MYBL2: variants seen among roughly 807,000 people sequenced by gnomAD.
The protein encoded by MYBL2 is MYB proto-oncogene like 2, also known as myb-related protein B.
A neutral mutation model predicts 79.9 loss-of-function variants in MYBL2; 28 were observed. The ratio of observed to expected loss-of-function variants is 0.35; its 90% confidence interval spans 0.26 to 0.48. The LOEUF (loss-of-function observed/expected upper bound fraction) is 0.48, where lower values mean the gene tolerates loss of function less well. Ranked by LOEUF, MYBL2 falls within the 20% of genes least tolerant of loss-of-function variation. MYBL2 has a pLI of 0.99. For synonymous variants in MYBL2, 378 were observed against 361.2 expected (o/e 1.05, Z -0.53); for missense variants, 735 against 893.9 (o/e 0.82, Z 2.27).
At chr20:43,682,180 GA>G (rs1196543419) in intron 3 of MYBL2, among the ~76,000 whole-genome samples, 2 of 152,152 alleles carry the variant, frequency 1.3e-5, no homozygotes, top group Non-Finnish European at 2.9e-5. Context: ...CAGTGAGACT[GA>G]AACTGAGGGG....
At chr20:43,688,800 T>C (rs285189) in intron 5 of MYBL2, among the ~76,000 whole-genome samples, 141,566 of 151,992 alleles carry the variant, frequency 0.93, 66,081 homozygotes, top group African/African-American at 0.97. Flanking sequence ...AATATTATAT[T>C]TTTTTTAAGA....
At chr20:43,709,378 G>A (rs542318944) in intron 9 of MYBL2, among the ~76,000 whole-genome samples, 22 of 152,330 alleles carry the variant, frequency 1.4e-4, no homozygotes, top group Admixed American at 1.1e-3. Flanking sequence ...CTGCTCTAGG[G>A]CAGGTGGAAA....
At position 43,715,254 on chromosome 20, in the gene MYBL2, C is replaced by T. The variant is rs762939979; in HGVS notation, c.1945C>T (p.Pro649Ser). The T allele has an allele frequency of 5.0e-6, 8 of 1,614,094 alleles. No individual in the cohort carries two copies. The highest frequency in any genetic ancestry group is 5.9e-6 in the Non-Finnish European group (7 of 1,180,040). ...KPEKAAVAQK[P>S]RSHFTTPAPM... Reference sequence around the variant, plus strand: ...CGAGAAGGCAGCAGTGGCCCAGAAGCCCCGAAGCCACTTCACGACACCTGC... The same window carrying T: ...CGAGAAGGCAGCAGTGGCCCAGAAGTCCCGAAGCCACTTCACGACACCTGC... The change falls in exon 13 of 14, where the codon CCC becomes TCC. Residue 649 changes from proline to serine, a missense_variant. Pro to Ser is a moderately conservative substitution (Grantham distance 74). This residue lies in a region of MYBL2 where 204 missense variants were observed against 202.9 expected (regional missense o/e 1.01). Coordinates refer to ENST00000217026, the MANE Select transcript of MYBL2 (RefSeq NM_002466.4).
At chr20:43,682,523 A>G (rs573780985) in intron 3 of MYBL2, among the ~76,000 whole-genome samples, 29 of 152,344 alleles carry the variant, frequency 1.9e-4, no homozygotes, top group Non-Finnish European at 4.3e-4. Context: ...ACAAGGAATT[A>G]AAGACTTGTG....
At chr20:43,697,186 G>A (rs915623438) in intron 6 of MYBL2, among the ~76,000 whole-genome samples, 2 of 151,914 alleles carry the variant, frequency 1.3e-5, no homozygotes, top group Admixed American at 6.6e-5. Context: ...TACCGGCTAT[G>A]GTTATATGAA....
At chr20:43,693,693 C>G (rs1227093640) in intron 6 of MYBL2, among the ~76,000 whole-genome samples, 1 of 152,130 alleles carries the variant, frequency 6.6e-6, no homozygotes, top group Non-Finnish European at 1.5e-5. Flanking sequence ...ATCCACTGTC[C>G]TATATACCAG....
intron 11 of MYBL2, 33 bp from the exon 12 acceptor site, chr20:43,712,969 C>T (rs780867064): frequency 6.5e-7 from 1 of 1,537,716 alleles, no homozygotes; most frequent in Non-Finnish European, 8.9e-7. Context: ...TCCAGACACT[C>T]ACCCTAACCC....
At chr20:43,684,929 C>T (rs1483355473) in intron 4 of MYBL2, among the ~76,000 whole-genome samples, 1 of 151,266 alleles carries the variant, frequency 6.6e-6, no homozygotes, top group African/African-American at 2.4e-5. Flanking sequence ...GGTGGATCAC[C>T]TGATGTCAGG....
chr20:43,677,134 T>G (rs1987030785), intron 2 of MYBL2, among the ~76,000 whole-genome samples: 1 of 152,186 alleles, frequency 6.6e-6, no homozygotes, highest in South Asian at 2.1e-4. Context: ...AAGCAAACCT[T>G]TTCTGCTCAT....
At chr20:43,684,352 T>G (rs1367621585) in intron 4 of MYBL2, among the ~76,000 whole-genome samples, 1 of 151,916 alleles carries the variant, frequency 6.6e-6, no homozygotes, top group East Asian at 1.9e-4. Context: ...ATTCTCTGCC[T>G]CAGCCTCCTG....
chr20:43,674,050 C>A (rs1042431647), intron 2 of MYBL2, 151 bp downstream of exon 2: 62 of 714,708 alleles, frequency 8.7e-5, no homozygotes, highest in East Asian at 5.8e-4. Flanking sequence ...CATGCCTCTT[C>A]TCAGAGCATT....
At chr20:43,672,621 T>A (rs1486845027) in intron 1 of MYBL2, among the ~76,000 whole-genome samples, 1 of 152,108 alleles carries the variant, frequency 6.6e-6, no homozygotes, top group Non-Finnish European at 1.5e-5. Flanking sequence ...ATATGCAAGT[T>A]GTTCCAGGTA....
Position 43,706,718 on chromosome 20 carries a change from A to ATTTTTTTTTTT in MYBL2, c.1505+1360_1505+1361insTTTTTTTTTTT, listed in dbSNP as rs1491241868. ...CCTGTCTGTACACAAAAAAAAAAAA[A>ATTTTTTTTTTT]GTTTTTTTTTTTTTTGAGATGGAGT... On this transcript the variant is annotated intron_variant, in intron 9 of 13. Coordinates refer to ENST00000217026, the MANE Select transcript of MYBL2 (RefSeq NM_002466.4). Among the ~76,000 whole-genome samples, 4 of 3,338 alleles carry ATTTTTTTTTTT rather than the reference A, an allele frequency of 1.2e-3. 1 individual carries two copies. Among genetic ancestry groups the ATTTTTTTTTTT allele is most frequent in the Non-Finnish European group, 2.0e-3 (3 of 1,538 alleles). The allele number at this position is 3,338 out of a possible 152,430, so 2.2% of individuals were successfully genotyped here. A position where few individuals can be genotyped will look rare whatever the true frequency, so the allele number is the denominator to read the frequency against.
rs573542418 is a variant in MYBL2, at chr20:43,692,141, C to G, written c.501-16C>G. On this transcript the variant is annotated splice_polypyrimidine_tract_variant and intron_variant, in intron 5 of 13. Coordinates refer to ENST00000217026, the MANE Select transcript of MYBL2 (RefSeq NM_002466.4). ...CACAGAGCTGGGGTTCAAAGGCCCC[C>G]TGCTGCCCCCTGCAGGACAGACAAT... 3.1e-5 allele frequency: 50 copies of G among 1,612,790 alleles called. 1 individual carries two copies. The South Asian group carries it at 4.7e-4, about 15-fold the overall frequency.
At chr20:43,705,529 CG>C (rs376856758) in intron 9 of MYBL2, among the ~76,000 whole-genome samples, 171 bp downstream of exon 9, 25 of 152,214 alleles carry the variant, frequency 1.6e-4, no homozygotes, top group African/African-American at 5.8e-4. Flanking sequence ...TCATTTTTAT[CG>C]ATATAGTTTT....
At chr20:43,679,313 A>G (rs1429233762) in intron 2 of MYBL2, among the ~76,000 whole-genome samples, 1 of 152,218 alleles carries the variant, frequency 6.6e-6, no homozygotes. Context: ...ACATATATAC[A>G]CATATAAATT....
chr20:43,675,803 T>C (rs932963319), intron 2 of MYBL2, among the ~76,000 whole-genome samples: 1 of 151,804 alleles, frequency 6.6e-6, no homozygotes, highest in Non-Finnish European at 1.5e-5. Context: ...TAACTTTAGG[T>C]TCAGGGGTAT....
At position 43,681,886 on chromosome 20, in the gene MYBL2, G is replaced by T. The variant is rs73907901; in HGVS notation, c.186+31G>T. On this transcript the variant is annotated intron_variant, in intron 3 of 13. Transcript: ENST00000217026. ...TACAGTCCTGCTGTGGCCCTCCCTC[G>T]GGGCAAGGGCTCTGGGAGAACAGTG... 4 of 1,609,242 alleles carry T rather than the reference G, an allele frequency of 2.5e-6. No homozygotes were observed. In the African/African-American group the frequency reaches 5.3e-5, roughly 22 times the overall value.
At chr20:43,676,927 T>C (rs975966734) in intron 2 of MYBL2, among the ~76,000 whole-genome samples, 7 of 152,168 alleles carry the variant, frequency 4.6e-5, no homozygotes, top group African/African-American at 1.7e-4. Context: ...TTTTTGTTTT[T>C]AAATAGAGAA....
Sources: gnomAD v4.1 joint callset for allele counts (sites outside exome capture counted in the v4.1 genomes callset) on GRCh38, gnomAD v4.1.1 for gene constraint, gnomAD v4.1.1 regional missense constraint, MANE v1.5 for transcripts, NCBI Gene and HGNC (gene_info 2026-07-23, HGNC 2026-07-21) for gene names.